VWCE: variants seen among roughly 807,000 people sequenced by gnomAD.
VWCE encodes von Willebrand factor C and EGF domains, also known as von Willebrand factor C and EGF domain-containing protein.
A neutral mutation model predicts 102.9 loss-of-function variants in VWCE; 68 were observed. That is an observed-to-expected ratio of 0.66 (90% CI 0.54 to 0.81). The LOEUF (loss-of-function observed/expected upper bound fraction) is 0.81, where lower values mean the gene tolerates loss of function less well. Among genes scored for constraint, VWCE ranks in the 30% least tolerant of loss-of-function variants. The pLI is 0.00. For synonymous variants in VWCE, 497 were observed against 515.4 expected (o/e 0.96, Z 0.48); for missense variants, 1,137 against 1,263.6 (o/e 0.90, Z 1.52).
At chr11:61,272,893 T>C (rs765921023) in intron 13 of VWCE, among the ~76,000 whole-genome samples, 41 of 147,650 alleles carry the variant, frequency 2.8e-4, no homozygotes, top group Non-Finnish European at 3.8e-4. Context: ...GAGAGACACA[T>C]AGACATACTA....
Position 61,281,138 on chromosome 11 carries a change from G to A in VWCE, c.885C>T (p.Ala295=). Residue 295 remains alanine (A), a synonymous_variant, in exon 8 of 20, where the codon GCC becomes GCT. Coordinates refer to ENST00000335613, the MANE Select transcript of VWCE (RefSeq NM_152718.2). Reference sequence around the variant, plus strand: ...AAGGAGGGCTATGTCCTGGGGACAGGGCAGGCCGGCCGGCCTCAGGAAGCA... The same window carrying A: ...AAGGAGGGCTATGTCCTGGGGACAGAGCAGGCCGGCCGGCCTCAGGAAGCA... The part of the protein sequence containing the change: ...LLLLPEAGRP[A]LSPGHSPPSG... 1 of 1,613,744 alleles carries A rather than the reference G, an allele frequency of 6.2e-7. No individual in the cohort carries two copies.
In VWCE at chr11:61,281,913, A is replaced by G. The variant is rs767102449; in HGVS notation, c.660T>C (p.Asp220=). Residue 220 remains aspartate (D), a splice_region_variant and synonymous_variant, in exon 7 of 20, where the codon GAT becomes GAC. Coordinates refer to ENST00000335613, the MANE Select transcript of VWCE (RefSeq NM_152718.2). ...HLHGNRHSCV[D]VNECRRPLER... is the part of the protein sequence containing the mutation. ...CCAATGGCCTCCGACACTCGTTTAC[A>G]TCTGCGGGAGAGCCTCGCTGCGGAC... The G allele has an allele frequency of 3.1e-6, 5 of 1,612,774 alleles. No individual in the cohort carries two copies. The highest frequency in any genetic ancestry group is 4.2e-6 in the Non-Finnish European group (5 of 1,179,174).
Position 61,295,190 on chromosome 11 carries a change from C to T in VWCE, c.-153G>A, listed in dbSNP as rs1855637214. On this transcript the variant is annotated 5_prime_UTR_variant, in exon 1 of 20. Transcript: ENST00000335613. This position sits in a 1 kb window ranked among gnomAD's most constrained non-coding sequence, Gnocchi z 4.6. ...CAGAGCTGAGCAGGGGGGCTTGGGA[C>T]GCCGAGAGGAGGGGCCGAGGGCCGC... is the stretch of plus-strand genomic sequence containing the variant. The T allele has an allele frequency of 6.9e-6, 3 of 433,142 alleles. No individual in the cohort carries two copies. The highest frequency in any genetic ancestry group is 2.0e-5 in the African/African-American group (1 of 48,804). The allele number at this position is 433,142 out of a possible 1,614,324, so 26.8% of individuals were successfully genotyped here.
intron 19 of VWCE, among the ~76,000 whole-genome samples, chr11:61,260,566 G>T (rs529529077): frequency 6.6e-6 from 1 of 152,110 alleles, no homozygotes; most frequent in South Asian, 2.1e-4. Context: ...CCAAAGTGCC[G>T]GGGTTATAAG....
chr11:61,271,586 A>G (rs1854703475), intron 14 of VWCE, 89 bp downstream of exon 14: 2 of 1,303,342 alleles, frequency 1.5e-6, no homozygotes, highest in East Asian at 2.5e-5. Flanking sequence ...GCCTGAGGCC[A>G]GCCTCTGGAG....
chr11:61,276,309 G>A (rs752162400), intron 11 of VWCE, among the ~76,000 whole-genome samples: 24 of 151,972 alleles, frequency 1.6e-4, no homozygotes, highest in African/African-American at 4.4e-4. Flanking sequence ...TCCCTACTCC[G>A]GAGGCTCAGG....
rs373179513 is a variant in VWCE, at chr11:61,267,465, G to T, written c.1962C>A (p.Cys654Ter). Residue 654 changes from cysteine to a stop codon, truncating the protein, a stop_gained, in exon 16 of 20, where the codon TGC becomes TGA. Coordinates refer to ENST00000335613, the MANE Select transcript of VWCE (RefSeq NM_152718.2). LOFTEE classifies it high-confidence loss of function. ...GTCAGATCTGGGTGGTCCATACCAG[G>T]CAGATGCAGCTCAGACATGGGTCCA... The part of the protein sequence containing the change: ...SVLDPCLSCI[C>*]LLGSVACSPV... 6 of 1,613,984 alleles carry T rather than the reference G, an allele frequency of 3.7e-6. No individual in the cohort carries two copies. Among genetic ancestry groups the T allele is most frequent in the Non-Finnish European group, 5.1e-6 (6 of 1,179,982 alleles).
chr11:61,295,052 G>C lies in VWCE; in HGVS notation c.-15C>G, dbSNP rs932419937. On this transcript the variant is annotated 5_prime_UTR_variant, in exon 1 of 20. Coordinates refer to ENST00000335613, the MANE Select transcript of VWCE (RefSeq NM_152718.2). This position sits in a 1 kb window ranked among gnomAD's most constrained non-coding sequence, Gnocchi z 4.6. ...CCGGCCCACATGACCGGCGGCGGCGGGTCCCCCGGGCTGGGCTCGGCTCCT... is the reference window on the plus strand; with the variant it reads ...CCGGCCCACATGACCGGCGGCGGCGCGTCCCCCGGGCTGGGCTCGGCTCCT... The C allele has an allele frequency of 7.4e-7, 1 of 1,356,538 alleles. No homozygotes were observed. The highest frequency in any genetic ancestry group is 9.5e-7 in the Non-Finnish European group (1 of 1,051,454). 84.0% of individuals were successfully genotyped at this position (1,356,538 alleles called of 1,614,324 possible). A position where few individuals can be genotyped will look rare whatever the true frequency, so the allele number is the denominator to read the frequency against.
intron 5 of VWCE, among the ~76,000 whole-genome samples, chr11:61,285,101 C>G (rs1471479249): frequency 6.6e-6 from 1 of 152,104 alleles, no homozygotes; most frequent in African/African-American, 2.4e-5. Flanking sequence ...GCCTCCAGAA[C>G]TATGAGAATC....
chr11:61,268,023 T>C (rs1854563137), intron 15 of VWCE, among the ~76,000 whole-genome samples: 1 of 151,872 alleles, frequency 6.6e-6, no homozygotes, highest in African/African-American at 2.4e-5. Flanking sequence ...GATGATACTA[T>C]CATATACTGC....
At position 61,273,195 on chromosome 11, in the gene VWCE, T is replaced by A; in HGVS notation, c.1699+4A>T. On this transcript the variant is annotated splice_donor_region_variant and intron_variant, in intron 13 of 19. Coordinates refer to ENST00000335613, the MANE Select transcript of VWCE (RefSeq NM_152718.2). ...TGTGTCGGGGCAGCCCTGGACCAGC[T>A]CACCTGTCGAGGGTGTGGGCTCCTG... The A allele has an allele frequency of 6.2e-7, 1 of 1,613,568 alleles. No homozygotes were observed. The highest frequency in any genetic ancestry group is 8.5e-7 in the Non-Finnish European group (1 of 1,179,870).
At chr11:61,284,220 AAAG>A (rs1320703521) in intron 5 of VWCE, among the ~76,000 whole-genome samples, 1 of 152,062 alleles carries the variant, frequency 6.6e-6, no homozygotes, top group Non-Finnish European at 1.5e-5. Flanking sequence ...ACAAAGAAAG[AAAG>A]AAGAAAAAAA....
chr11:61,277,308 GAC>G lies in VWCE; in HGVS notation c.1408-630_1408-629del, dbSNP rs1854959463. 4.6e-5 allele frequency among the ~76,000 whole-genome samples: 7 copies of G among 152,030 alleles called. No homozygotes were observed. In the South Asian group the frequency reaches 1.5e-3, roughly 32 times the overall value. ...ATCCACCTTTGATGCCAGAGCAAGA[GAC>G]ACTTAAAGATGGTCATGACCCGGTG... On this transcript the variant is annotated intron_variant, in intron 10 of 19. Coordinates refer to ENST00000335613, the MANE Select transcript of VWCE (RefSeq NM_152718.2).
chr11:61,270,913 G>A (rs892939201), intron 14 of VWCE, among the ~76,000 whole-genome samples: 9 of 145,134 alleles, frequency 6.2e-5, no homozygotes, highest in African/African-American at 1.6e-4. Flanking sequence ...CTGCAGCCTC[G>A]ACCTCCTGGG....
Position 61,291,323 on chromosome 11 carries a change from A to G in VWCE, c.236T>C (p.Ile79Thr). Residue 79 changes from isoleucine (I) to threonine (T), a missense_variant, in exon 3 of 20, where the codon ATC becomes ACC. By Grantham distance (89) the Ile-to-Thr change is moderately conservative. Coordinates refer to ENST00000335613, the MANE Select transcript of VWCE (RefSeq NM_152718.2). ...PLCSFGCGSG[I>T]CIAPNVCSCQ... ...GGAGCAGACATTGGGAGCGATGCAG[A>G]TGCCACTCCCACAGCCGAAGGAGCA... 1 of 1,612,846 alleles carries G rather than the reference A, an allele frequency of 6.2e-7. No individual in the cohort carries two copies.
chr11:61,265,188 C>T lies in VWCE; in HGVS notation c.1990G>A (p.Val664Met), dbSNP rs367633987. The T allele has an allele frequency of 1.4e-4, 204 of 1,505,620 alleles. No homozygotes were observed. The highest frequency in any genetic ancestry group is 7.0e-4 in the Middle Eastern group (4 of 5,696). 93.3% of individuals were successfully genotyped at this position (1,505,620 alleles called of 1,614,324 possible). Residue 664 changes from valine (V) to methionine (M), a missense_variant, in exon 17 of 20, where the codon GTG becomes ATG. Around this residue, in one of 5 missense-constraint regions of VWCE, gnomAD observed 29 missense variants for 62.9 expected, o/e 0.46. Transcript: ENST00000335613. Reference protein sequence around the residue: ...CLLGSVACSPVDCPITCTYPF... With the variant: ...CLLGSVACSPMDCPITCTYPF... ...TAGGTACAGGTGATGGGGCAGTCCA[C>T]GGGGGAACAGGCCACTGAGCCCAGC... is the stretch of plus-strand genomic sequence containing the variant.
At chr11:61,261,608 G>A (rs763191368) in intron 19 of VWCE, among the ~76,000 whole-genome samples, 17 of 151,476 alleles carry the variant, frequency 1.1e-4, no homozygotes, top group Non-Finnish European at 2.2e-4. Context: ...TTAACCAAGT[G>A]TTTATCACTT....
chr11:61,267,563 G>A lies in VWCE; in HGVS notation c.1883-19C>T, dbSNP rs374983290. ...GTGCAGCCTGCCAGAGAGAGCATGC[G>A]CTGAGCACCAGCTGGGAGTGGCCAG... On this transcript the variant is annotated intron_variant, in intron 15 of 19. Transcript: ENST00000335613. 3.1e-5 allele frequency: 50 copies of A among 1,612,754 alleles called. No homozygotes were observed. Among genetic ancestry groups the A allele is most frequent in the Non-Finnish European group, 4.1e-5 (48 of 1,178,976 alleles).
rs537326470 is a variant in VWCE at position 61,266,813 on chromosome 11, C to A, written c.1965+649G>T. Among the ~76,000 whole-genome samples, 112 of 152,316 alleles carry A rather than the reference C, an allele frequency of 7.4e-4. 1 individual carries two copies. Among genetic ancestry groups the A allele is most frequent in the African/African-American group, 2.6e-3 (108 of 41,562 alleles). ...GTGCATGCCTATGAAGGGCGTGGCA[C>A]ACTGCAAGAGCTTGACCACATGGGT... On this transcript the variant is annotated intron_variant, in intron 16 of 19. Coordinates refer to ENST00000335613, the MANE Select transcript of VWCE (RefSeq NM_152718.2).
Sources: gnomAD v4.1 joint callset for allele counts (sites outside exome capture counted in the v4.1 genomes callset) on GRCh38, gnomAD v4.1.1 for gene constraint, gnomAD v4.1.1 regional missense constraint, Gnocchi (gnomAD v3.1) non-coding constraint, MANE v1.5 for transcripts, NCBI Gene and HGNC (gene_info 2026-07-23, HGNC 2026-07-21) for gene names.